Variants in SLC38A9 observed in about 807,000 individuals in gnomAD.
The protein encoded by SLC38A9 is neutral amino acid transporter 9.
A neutral mutation model predicts 62.3 loss-of-function variants in SLC38A9; 48 were observed. The ratio of observed to expected loss-of-function variants is 0.77; its 90% CI spans 0.61 to 0.98. The LOEUF is 0.98. Among genes scored for constraint, SLC38A9 ranks in the 50% least tolerant of loss-of-function variants. The pLI is 0.00. For synonymous variants in SLC38A9, 204 were observed against 227.7 expected, an observed-to-expected ratio of 0.90 and a Z score of 0.94; for missense variants, 541 against 679.8, an observed-to-expected ratio of 0.80 and a Z score of 2.27.
At position 55,656,794 on chromosome 5, in the gene SLC38A9, T is replaced by C. The variant is rs776806252; in HGVS notation, c.698-20A>G. 4.4e-6 allele frequency: 6 copies of C among 1,354,798 alleles called. No individual in the cohort carries two copies. Among genetic ancestry groups the C allele is most frequent in the Non-Finnish European group, 6.3e-6 (6 of 954,700 alleles). The allele number at this position is 1,354,798 out of a possible 1,614,324, so 83.9% of individuals were successfully genotyped here. A position where few individuals can be genotyped will look rare whatever the true frequency, so the allele number is the denominator to read the frequency against. On this transcript the variant is annotated intron_variant, in intron 8 of 15. Transcript: ENST00000396865. ...TAAAATCTAAAAATAAAGGAAAAAATATAGTTTAACACTGAATGAAAGACA... is the reference window on the plus strand; with the variant it reads ...TAAAATCTAAAAATAAAGGAAAAAACATAGTTTAACACTGAATGAAAGACA...
rs1371252740 is a variant in SLC38A9 at position 55,651,246 on chromosome 5, A to ATTTT, written c.952+1282_952+1283insAAAA. On this transcript the variant is annotated intron_variant, in intron 10 of 15. Coordinates refer to ENST00000396865, the MANE Select transcript of SLC38A9 (RefSeq NM_173514.4). Reference sequence around the variant, plus strand: ...TTTCACTGGGGGGGTTCCTTTTGCCATCTTTTTTTTTTTTTTTTTTTTAAG... The same window carrying ATTTT: ...TTTCACTGGGGGGGTTCCTTTTGCCATTTTTCTTTTTTTTTTTTTTTTTTTTAAG... 4.2e-4 allele frequency among the ~76,000 whole-genome samples: 48 copies of ATTTT among 114,114 alleles called. 17 individuals are homozygous for ATTTT. Among genetic ancestry groups the ATTTT allele is most frequent in the Non-Finnish European group, 5.5e-4 (32 of 57,660 alleles). 74.9% of individuals were successfully genotyped at this position (114,114 alleles called of 152,430 possible). A position where few individuals can be genotyped will look rare whatever the true frequency, so the allele number is the denominator to read the frequency against.
intron 2 of SLC38A9, among the ~76,000 whole-genome samples, chr5:55,699,604 A>C (rs1218507015): frequency 6.6e-6 from 1 of 152,200 alleles, no homozygotes; most frequent in Non-Finnish European, 1.5e-5. Context: ...TTCAACTACA[A>C]AAATCAATGA....
At chr5:55,674,379 C>G (rs368872172) in intron 3 of SLC38A9, among the ~76,000 whole-genome samples, 10 of 152,186 alleles carry the variant, frequency 6.6e-5, no homozygotes, top group African/African-American at 2.4e-4. Flanking sequence ...AACAGTGGGA[C>G]CTTTAAGAGG....
chr5:55,671,138 C>A lies in SLC38A9; in HGVS notation c.247-1259G>T, dbSNP rs907609381. Among the ~76,000 whole-genome samples the A allele has an allele frequency of 2.6e-5, 4 of 152,126 alleles. No homozygotes were observed. In the East Asian group the frequency reaches 7.7e-4, roughly 29 times the overall value. ...ATGTTCTTATTTTCAGTTAAACTTG[C>A]AAGTTTCTGACTATCTCATATGCGG... On this transcript the variant is annotated intron_variant, in intron 4 of 15. Transcript: ENST00000396865.
intron 11 of SLC38A9, among the ~76,000 whole-genome samples, chr5:55,646,360 G>T (rs551210820): frequency 1.3e-5 from 2 of 152,042 alleles, no homozygotes; most frequent in East Asian, 3.9e-4. Flanking sequence ...GAAAGAGCGA[G>T]ACTCCATCTC....
chr5:55,676,163 ATTC>A (rs899395274), intron 3 of SLC38A9, among the ~76,000 whole-genome samples: 1 of 152,018 alleles, frequency 6.6e-6, no homozygotes, highest in African/African-American at 2.4e-5. Flanking sequence ...TGGCTTTATT[ATTC>A]TTTCTTTCTT....
chr5:55,680,117 G>A (rs1198290373), intron 3 of SLC38A9, among the ~76,000 whole-genome samples: 1 of 151,514 alleles, frequency 6.6e-6, no homozygotes, highest in Non-Finnish European at 1.5e-5. Flanking sequence ...ATAAAAGTGG[G>A]GAATAAGAAA....
chr5:55,673,177 T>C (rs1751586149), intron 3 of SLC38A9: 1 of 154,776 alleles, frequency 6.5e-6, no homozygotes, highest in African/African-American at 2.4e-5. Flanking sequence ...TTGGTTCATG[T>C]ATTAAGGATT....
At position 55,625,978 on chromosome 5, in the gene SLC38A9, T is replaced by TCA. The variant is rs1742363396; in HGVS notation, c.*515_*516insTG. On this transcript the variant is annotated 3_prime_UTR_variant, in exon 16 of 16. Transcript: ENST00000396865. ...AGACTCAGTTAAAAATGTACTTTAT[T>TCA]AACACTGATGCCATGAAAACTTCTT... The TCA allele has an allele frequency of 6.5e-6, 1 of 152,932 alleles. No homozygotes were observed. The highest frequency in any genetic ancestry group is 2.4e-5 in the African/African-American group (1 of 41,450). The allele number at this position is 152,932 out of a possible 1,614,324, so 9.5% of individuals were successfully genotyped here.
chr5:55,651,786 A>G (rs952646143), intron 10 of SLC38A9, among the ~76,000 whole-genome samples: 3 of 152,232 alleles, frequency 2.0e-5, no homozygotes, highest in African/African-American at 7.2e-5. Context: ...AAAACATTCT[A>G]TAACTTTCCT....
intron 14 of SLC38A9, among the ~76,000 whole-genome samples, chr5:55,631,324 T>C (rs1011335707): frequency 2.6e-5 from 4 of 152,080 alleles, no homozygotes; most frequent in South Asian, 2.1e-4. Context: ...TAAATGAAAA[T>C]GACAATGTGT....
chr5:55,687,065 G>GTTTTTT (rs56912932), intron 3 of SLC38A9, among the ~76,000 whole-genome samples: 150 of 125,604 alleles, frequency 1.2e-3, no homozygotes, highest in Non-Finnish European at 1.5e-3. Flanking sequence ...CTCCAGCTTT[G>GTTTTTT]TTTTTTTTTT....
intron 8 of SLC38A9, among the ~76,000 whole-genome samples, chr5:55,660,480 C>A (rs1749333269): frequency 6.6e-6 from 1 of 152,100 alleles, no homozygotes; most frequent in Non-Finnish European, 1.5e-5. Context: ...AATGTATAAT[C>A]AAAAATTTAT....
chr5:55,694,759 T>C (rs540600739), intron 3 of SLC38A9, among the ~76,000 whole-genome samples: 21 of 139,274 alleles, frequency 1.5e-4, no homozygotes, highest in South Asian at 8.2e-4. Flanking sequence ...CTCCTCTCCT[T>C]TCCTTTCCTT....
intron 8 of SLC38A9, among the ~76,000 whole-genome samples, chr5:55,662,522 TA>T (rs1392403729): frequency 6.6e-6 from 1 of 151,696 alleles, no homozygotes; most frequent in Non-Finnish European, 1.5e-5. Flanking sequence ...ATACAAAAAT[TA>T]GCTGGGTGTG....
At chr5:55,666,343 T>C (rs1349254819) in intron 7 of SLC38A9, among the ~76,000 whole-genome samples, 2 of 152,364 alleles carry the variant, frequency 1.3e-5, no homozygotes, top group East Asian at 3.9e-4. Flanking sequence ...TAGATAAGTA[T>C]AACCTATGAA....
intron 14 of SLC38A9, 44 bp downstream of exon 14, chr5:55,633,710 T>C (rs1743902274): frequency 6.2e-7 from 1 of 1,613,196 alleles, no homozygotes; most frequent in African/African-American, 1.3e-5. Context: ...TGCACAGTCA[T>C]TTGTTGCTTG....
intron 11 of SLC38A9, among the ~76,000 whole-genome samples, chr5:55,648,046 C>T (rs1746706712): frequency 6.6e-6 from 1 of 151,980 alleles, no homozygotes; most frequent in South Asian, 2.1e-4. Flanking sequence ...TTGAGACCAG[C>T]CTGGCCAACA....
chr5:55,677,390 T>G (rs1382476786), intron 3 of SLC38A9, among the ~76,000 whole-genome samples: 1 of 152,210 alleles, frequency 6.6e-6, no homozygotes, highest in Non-Finnish European at 1.5e-5. Context: ...TTCCACCCAG[T>G]GTGTCTTTCA....
Sources: allele counts gnomAD v4.1 joint callset (sites outside exome capture counted in the v4.1 genomes callset), GRCh38; gene constraint gnomAD v4.1.1; transcripts MANE v1.5; gene names NCBI Gene and HGNC (gene_info 2026-07-23, HGNC 2026-07-21).